CD58: variants seen among roughly 807,000 people sequenced by gnomAD.
The protein encoded by CD58 is CD58 molecule.
Under a neutral mutation model 27.6 loss-of-function variants are expected in CD58, and 14 were observed. The observed-to-expected ratio is 0.51, with a 90% CI of 0.34 to 0.79. The LOEUF is 0.79. Ranked by LOEUF, CD58 falls within the 30% of genes least tolerant of loss-of-function variation. CD58 has a pLI of 0.02. For missense variants in CD58, 268 were observed against 301.7 expected (o/e 0.89, Z 0.83); for synonymous variants, 117 against 103.8 (o/e 1.13, Z -0.77).
rs1657097816 is a variant in CD58, at chr1:116,516,921, T to C, written c.744-2099A>G. Among the ~76,000 whole-genome samples the C allele has an allele frequency of 6.6e-6, 1 of 152,186 alleles. No individual in the cohort carries two copies. Among genetic ancestry groups the C allele is most frequent in the Non-Finnish European group, 1.5e-5 (1 of 68,028 alleles). ...CTTTCTCTGAATCCCACACAATGTC[T>C]AGCCTCGCTGGGTACTCTGACCCCC... On this transcript the variant is annotated intron_variant, in intron 5 of 5. Coordinates refer to ENST00000369489, the MANE Select transcript of CD58 (RefSeq NM_001779.3). This position sits in a 1 kb window ranked among gnomAD's most constrained non-coding sequence, Gnocchi z 6.1.
chr1:116,547,944 C>T (rs1055903904), intron 1 of CD58, among the ~76,000 whole-genome samples: 2 of 152,186 alleles, frequency 1.3e-5, no homozygotes, highest in African/African-American at 4.8e-5. Context: ...CTTTTCCCAC[C>T]ACACCCATGC....
In CD58 at chr1:116,519,288, T is replaced by C. The variant is rs1657191532; in HGVS notation, c.707-21A>G. 5 of 1,605,334 alleles carry C rather than the reference T, an allele frequency of 3.1e-6. No homozygotes were observed. Among genetic ancestry groups the C allele is most frequent in the Non-Finnish European group, 3.4e-6 (4 of 1,174,260 alleles). ...AATACCTAAAAATGAAGAAATTGTC[T>C]TCTCAATTAAAGAACTGAAAAGAAA... is the stretch of plus-strand genomic sequence containing the variant. On this transcript the variant is annotated intron_variant, in intron 4 of 5. Transcript: ENST00000369489. This position sits in a 1 kb window ranked among gnomAD's most constrained non-coding sequence, Gnocchi z 4.7.
chr1:116,521,911 A>C lies in CD58; in HGVS notation c.701T>G (p.Met234Arg). 1 of 1,520,726 alleles carries C rather than the reference A, an allele frequency of 6.6e-7. No individual in the cohort carries two copies. Among genetic ancestry groups the C allele is most frequent in the Non-Finnish European group, 9.1e-7 (1 of 1,097,842 alleles). The allele number at this position is 1,520,726 out of a possible 1,614,324, so 94.2% of individuals were successfully genotyped here. A position where few individuals can be genotyped will look rare whatever the true frequency, so the allele number is the denominator to read the frequency against. ...AVITTCIVLY[M>R]NGILKCDRKP... Reference sequence around the variant, plus strand: ...GTTTTAAAAAGCATACATACCATTCATATACAGCACAATACATGTTGTAAT... The same window carrying C: ...GTTTTAAAAAGCATACATACCATTCCTATACAGCACAATACATGTTGTAAT... The change falls in exon 4 of 6, where the codon ATG becomes AGG. Residue 234 changes from methionine to arginine, a missense_variant. Physicochemically the swap from Met to Arg is moderately conservative, Grantham distance 91. Transcript: ENST00000369489. This position sits in a 1 kb window ranked among gnomAD's most constrained non-coding sequence, Gnocchi z 5.6.
intron 2 of CD58, among the ~76,000 whole-genome samples, chr1:116,540,109 A>G (rs997664697): frequency 1.3e-5 from 2 of 152,214 alleles, no homozygotes; most frequent in African/African-American, 4.8e-5. Flanking sequence ...AAAGATGGGA[A>G]AGGACTAATA....
intron 3 of CD58, among the ~76,000 whole-genome samples, chr1:116,526,327 C>A (rs547599776): frequency 6.6e-6 from 1 of 152,276 alleles, no homozygotes; most frequent in African/African-American, 2.4e-5. Flanking sequence ...TTGCATTTTA[C>A]ATTTAGATCT....
chr1:116,533,308 TA>T, intron 3 of CD58: 1 of 1,391,172 alleles, frequency 7.2e-7, no homozygotes, highest in Non-Finnish European at 1.0e-6. Flanking sequence ...GTTTTGACAG[TA>T]ACATTCTTTC....
Position 116,550,754 on chromosome 1 carries a change from ATAAT to A in CD58, c.71-6154_71-6151del, listed in dbSNP as rs1248774846. Among the ~76,000 whole-genome samples, 1 of 152,176 alleles carries A rather than the reference ATAAT, an allele frequency of 6.6e-6. No individual in the cohort carries two copies. The highest frequency in any genetic ancestry group is 2.4e-5 in the African/African-American group (1 of 41,440). On this transcript the variant is annotated intron_variant, in intron 1 of 5. Transcript: ENST00000369489. This position sits in a 1 kb window ranked among gnomAD's most constrained non-coding sequence, Gnocchi z 4.2. ...TACTTTGCCCAGATTCATCAGAAGAATAATTATCTATGGCAGCTATAGCCTTACC... is the reference window on the plus strand; with the variant it reads ...TACTTTGCCCAGATTCATCAGAAGAATATCTATGGCAGCTATAGCCTTACC...
chr1:116,549,283 T>C (rs1195538176), intron 1 of CD58, among the ~76,000 whole-genome samples: 1 of 152,104 alleles, frequency 6.6e-6, no homozygotes, highest in African/African-American at 2.4e-5. Context: ...AATAAGAACA[T>C]TTACTTAGGG....
At chr1:116,537,633 C>T (rs537314335) in intron 2 of CD58, among the ~76,000 whole-genome samples, 1 of 152,286 alleles carries the variant, frequency 6.6e-6, no homozygotes, top group East Asian at 1.9e-4. Flanking sequence ...GCAGCATGGA[C>T]CTACAAGGAT....
intron 3 of CD58, among the ~76,000 whole-genome samples, chr1:116,526,912 T>C (rs1409413981): frequency 6.6e-6 from 1 of 152,232 alleles, no homozygotes; most frequent in East Asian, 1.9e-4. Flanking sequence ...TTTGTTATTG[T>C]ACCTAAGTAT....
At position 116,541,048 on chromosome 1, in the gene CD58, A is replaced by G. The variant is rs1363628162; in HGVS notation, c.364+3263T>C. ...GGTCTTGAACTACTGGGCTTAAGCA[A>G]CCCTCCCTCCTCAGCCTCACAAAGT... On this transcript the variant is annotated intron_variant, in intron 2 of 5. Transcript: ENST00000369489. This position sits in a 1 kb window ranked among gnomAD's most constrained non-coding sequence, Gnocchi z 5.3. Among the ~76,000 whole-genome samples the G allele has an allele frequency of 6.6e-6, 1 of 151,766 alleles. No homozygotes were observed. Among genetic ancestry groups the G allele is most frequent in the Non-Finnish European group, 1.5e-5 (1 of 67,926 alleles).
chr1:116,543,258 G>T (rs1465641926), intron 2 of CD58, among the ~76,000 whole-genome samples: 2 of 152,090 alleles, frequency 1.3e-5, no homozygotes, highest in African/African-American at 4.8e-5. Context: ...GACATCAGGT[G>T]TGTGAAGGAC....
chr1:116,549,618 A>G (rs1252077659), intron 1 of CD58, among the ~76,000 whole-genome samples: 2 of 152,232 alleles, frequency 1.3e-5, no homozygotes, highest in South Asian at 2.1e-4. Flanking sequence ...TTATACATAG[A>G]CACATACATA....
chr1:116,565,926 C>T (rs2101233507), intron 1 of CD58, among the ~76,000 whole-genome samples: 1 of 152,122 alleles, frequency 6.6e-6, no homozygotes, highest in Non-Finnish European at 1.5e-5. Context: ...ACTGCGTTAG[C>T]CAGGATGGTC....
At position 116,532,212 on chromosome 1, in the gene CD58, T is replaced by C. The variant is rs759735233; in HGVS notation, c.628+3753A>G. Among the ~76,000 whole-genome samples, 15 of 152,174 alleles carry C rather than the reference T, an allele frequency of 9.9e-5. No homozygotes were observed. Among genetic ancestry groups the C allele is most frequent in the Non-Finnish European group, 5.9e-5 (4 of 68,032 alleles). On this transcript the variant is annotated intron_variant, in intron 3 of 5. Coordinates refer to ENST00000369489, the MANE Select transcript of CD58 (RefSeq NM_001779.3). This position sits in a 1 kb window ranked among gnomAD's most constrained non-coding sequence, Gnocchi z 5.1. ...TGCTCCTGCTAGGAAGTGGCACATC[T>C]TCCTGCTCAGGTCACCAGGGTGGTT...
Position 116,570,827 on chromosome 1 carries a change from C to T in CD58, c.70+76G>A. ...CTCTGATCGGCAACCGCCTCGAGCC[C>T]GGCGCGTCCACCCAGCCTGGGTGCT... is the stretch of plus-strand genomic sequence containing the variant. On this transcript the variant is annotated intron_variant, in intron 1 of 5. Transcript: ENST00000369489. This position sits in a 1 kb window ranked among gnomAD's most constrained non-coding sequence, Gnocchi z 6.4. 2.5e-6 allele frequency: 3 copies of T among 1,219,698 alleles called. No homozygotes were observed. Among genetic ancestry groups the T allele is most frequent in the South Asian group, 1.4e-5 (1 of 71,542 alleles). The allele number at this position is 1,219,698 out of a possible 1,614,324, so 75.6% of individuals were successfully genotyped here.
intron 1 of CD58, among the ~76,000 whole-genome samples, chr1:116,555,469 G>A (rs965299132): frequency 6.6e-6 from 1 of 152,154 alleles, no homozygotes; most frequent in Non-Finnish European, 1.5e-5. Flanking sequence ...AAGAGAGATG[G>A]AGGGAGGGAA....
chr1:116,519,279 G>T lies in CD58; in HGVS notation c.707-12C>A. On this transcript the variant is annotated splice_polypyrimidine_tract_variant and intron_variant, in intron 4 of 5. Transcript: ENST00000369489. The surrounding 1 kb of genome is among the most constrained non-coding windows in gnomAD (Gnocchi z 4.7). ...ACATTTCAGAATACCTAAAAATGAA[G>T]AAATTGTCTTCTCAATTAAAGAACT... 6.2e-7 allele frequency: 1 copy of T among 1,608,770 alleles called. No homozygotes were observed. The highest frequency in any genetic ancestry group is 8.5e-7 in the Non-Finnish European group (1 of 1,176,722).
At chr1:116,543,143 C>T (rs183787444) in intron 2 of CD58, among the ~76,000 whole-genome samples, 3 of 152,228 alleles carry the variant, frequency 2.0e-5, no homozygotes, top group South Asian at 4.1e-4. Context: ...TCTGGCCATG[C>T]GAGTATGACA....
Sources: allele counts gnomAD v4.1 joint callset (sites outside exome capture counted in the v4.1 genomes callset), GRCh38; gene constraint gnomAD v4.1.1; non-coding constraint Gnocchi (gnomAD v3.1); transcripts MANE v1.5; gene names NCBI Gene and HGNC (gene_info 2026-07-23, HGNC 2026-07-21).